Variants in ITPR1 observed in about 807,000 individuals in gnomAD.
ITPR1 encodes inositol 1,4,5-trisphosphate-gated calcium channel ITPR1.
Under a neutral mutation model 318.4 loss-of-function variants are expected in ITPR1, and 96 were observed. That is an observed-to-expected ratio of 0.30 (90% confidence interval 0.26 to 0.36). The LOEUF (loss-of-function observed/expected upper bound fraction) is 0.36. Ranked by LOEUF, ITPR1 falls within the 10% of genes least tolerant of loss-of-function variation. The probability of loss-of-function intolerance (pLI) is 1.00; values close to 1 mark genes in which losing one functional copy is unlikely to be tolerated. For synonymous variants in ITPR1, 1,312 were observed against 1,289.9 expected, an observed-to-expected ratio of 1.02 and a Z score of -0.37; for missense variants, 2,440 against 3,460.2, an observed-to-expected ratio of 0.71 and a Z score of 7.40.
intron 52 of ITPR1, among the ~76,000 whole-genome samples, chr3:4,790,436 A>G (rs2047481621): frequency 6.6e-6 from 1 of 152,254 alleles, no homozygotes; most frequent in South Asian, 2.1e-4. Flanking sequence ...CATTTCAGTG[A>G]AACTTAAGCA....
intron 4 of ITPR1, among the ~76,000 whole-genome samples, chr3:4,525,163 G>A (rs73807286): frequency 1.3e-5 from 2 of 152,020 alleles, no homozygotes; most frequent in Non-Finnish European, 1.5e-5. Context: ...CCCAGTGCTC[G>A]TGTATGCAAG....
At chr3:4,831,931 C>G (rs2050545954) in intron 60 of ITPR1, among the ~76,000 whole-genome samples, 2 of 152,224 alleles carry the variant, frequency 1.3e-5, no homozygotes, top group South Asian at 2.1e-4. Context: ...GAGGGGGACC[C>G]TGTTGGTGGG....
At chr3:4,716,859 C>G (rs74688238) in intron 39 of ITPR1, among the ~76,000 whole-genome samples, 1 of 152,160 alleles carries the variant, frequency 6.6e-6, no homozygotes, top group Non-Finnish European at 1.5e-5. Context: ...ATCCACAGGA[C>G]CAGGCTGGGG....
intron 4 of ITPR1, among the ~76,000 whole-genome samples, chr3:4,526,263 G>C (rs1040733120): frequency 1.3e-5 from 2 of 152,166 alleles, no homozygotes; most frequent in Admixed American, 6.5e-5. Flanking sequence ...AGAAGTTGGG[G>C]CAGGAAAAAA....
chr3:4,525,256 C>G (rs936752345), intron 4 of ITPR1, among the ~76,000 whole-genome samples: 2 of 152,094 alleles, frequency 1.3e-5, no homozygotes, highest in African/African-American at 4.8e-5. Context: ...CCATCCTTAT[C>G]AAGATAATAT....
At chr3:4,573,055 C>T (rs2087870) in intron 4 of ITPR1, among the ~76,000 whole-genome samples, 127,576 of 152,128 alleles carry the variant, frequency 0.84, 54,003 homozygotes, top group South Asian at 0.93. Flanking sequence ...TGACCATGGG[C>T]GTGCAAATCT....
Position 4,768,549 on chromosome 3 carries a change from G to A in ITPR1, c.5764G>A (p.Asp1922Asn), listed in dbSNP as rs762519896. ...PTTQITEEVR[D>N]QLLEASAATR... ...AACACAGATAACAGAAGAGGTCCGG[G>A]ATCAGCTCCTGGAGGCCTCCGCTGC... Residue 1922 changes from aspartate (D) to asparagine (N), a missense_variant, in exon 46 of 62, where the codon GAT (aspartate) becomes AAT (asparagine). Asp to Asn is a conservative substitution (Grantham distance 23, BLOSUM62 1). This residue lies in a region of ITPR1 where 113 missense variants were observed against 103.6 expected (regional missense o/e 1.09). Coordinates refer to ENST00000649015, the MANE Select transcript of ITPR1 (RefSeq NM_001378452.1). The A allele has an allele frequency of 6.2e-7, 1 of 1,613,820 alleles. No homozygotes were observed. Among genetic ancestry groups the A allele is most frequent in the Non-Finnish European group, 8.5e-7 (1 of 1,179,744 alleles).
intron 49 of ITPR1, among the ~76,000 whole-genome samples, chr3:4,780,168 A>G (rs947250727): frequency 2.0e-5 from 3 of 152,152 alleles, no homozygotes; most frequent in African/African-American, 7.2e-5. Flanking sequence ...TTTGAAGACT[A>G]GATGAGAAGA....
Position 4,779,498 on chromosome 3 carries a change from G to A in ITPR1, c.6292-52G>A, listed in dbSNP as rs577503264. The A allele has an allele frequency of 8.8e-5, 122 of 1,390,784 alleles. 4 individuals carry two copies. The Middle Eastern group carries it at 9.5e-3, about 108-fold the overall frequency. 86.2% of individuals were successfully genotyped at this position (1,390,784 alleles called of 1,614,324 possible). On this transcript the variant is annotated intron_variant, in intron 48 of 61. Coordinates refer to ENST00000649015, the MANE Select transcript of ITPR1 (RefSeq NM_001378452.1). This position sits in a 1 kb window ranked among gnomAD's most constrained non-coding sequence, Gnocchi z 4.0. Reference sequence around the variant, plus strand: ...GCCAGTTGGCACCTGCATTCAGGCCGGGCCCCCAAGCAGCCCCTCTACATT... The same window carrying A: ...GCCAGTTGGCACCTGCATTCAGGCCAGGCCCCCAAGCAGCCCCTCTACATT...
At chr3:4,708,514 T>C (rs1450867988) in intron 37 of ITPR1, among the ~76,000 whole-genome samples, 1 of 152,132 alleles carries the variant, frequency 6.6e-6, no homozygotes, top group Admixed American at 6.5e-5. Flanking sequence ...CCTGATGGAG[T>C]GCTTCCTGAT....
intron 29 of ITPR1, 141 bp downstream of exon 29, chr3:4,684,487 GT>G: frequency 1.6e-6 from 1 of 644,356 alleles, no homozygotes. Context: ...GAGCTCAGAG[GT>G]TAAGCTCATG....
At chr3:4,574,024 G>C (rs562172149) in intron 4 of ITPR1, among the ~76,000 whole-genome samples, 8 of 152,306 alleles carry the variant, frequency 5.3e-5, no homozygotes, top group African/African-American at 1.7e-4. Flanking sequence ...TGTTTAAGCA[G>C]CTTTGGCCAT....
At chr3:4,658,390 G>C in intron 13 of ITPR1, 112 bp downstream of exon 13, 4 of 961,432 alleles carry the variant, frequency 4.2e-6, no homozygotes, top group Non-Finnish European at 6.0e-6. Context: ...TTTTATAAAG[G>C]ATTTGGTGAA....
intron 47 of ITPR1, among the ~76,000 whole-genome samples, chr3:4,776,346 A>G (rs2046484044): frequency 1.3e-5 from 2 of 152,226 alleles, no homozygotes; most frequent in South Asian, 2.1e-4. Flanking sequence ...CTGGGATTAC[A>G]GGCTTGAGCC....
intron 4 of ITPR1, among the ~76,000 whole-genome samples, chr3:4,540,042 T>C (rs1163327477): frequency 6.6e-6 from 1 of 151,790 alleles, no homozygotes; most frequent in Non-Finnish European, 1.5e-5. Flanking sequence ...GTAAATTAGT[T>C]AAAAGGGTTA....
intron 10 of ITPR1, among the ~76,000 whole-genome samples, chr3:4,647,750 C>A (rs1048507017): frequency 3.3e-5 from 5 of 152,116 alleles, no homozygotes; most frequent in Non-Finnish European, 7.4e-5. Context: ...GAGCATTTTT[C>A]TCATGTGCTT....
chr3:4,788,930 C>G (rs1345441385), intron 52 of ITPR1, among the ~76,000 whole-genome samples: 1 of 152,172 alleles, frequency 6.6e-6, no homozygotes, highest in Non-Finnish European at 1.5e-5. Context: ...GGGTGGAGAA[C>G]AGCCGTGTTG....
intron 39 of ITPR1, among the ~76,000 whole-genome samples, chr3:4,713,065 C>T (rs2125285190): frequency 1.3e-5 from 2 of 151,966 alleles, no homozygotes; most frequent in Middle Eastern, 6.8e-3. Context: ...TAGTAGATCT[C>T]TTAAAAACAA....
At position 4,670,749 on chromosome 3, in the gene ITPR1, A is replaced by C. The variant is rs780898663; in HGVS notation, c.2027A>C (p.Glu676Ala). The C allele has an allele frequency of 1.3e-5, 20 of 1,595,994 alleles. No homozygotes were observed. Among genetic ancestry groups the C allele is most frequent in the Non-Finnish European group, 1.7e-5 (20 of 1,170,548 alleles). ...TCTAGGTTGGTTCTTTCTCGTTTTG[A>C]ATTTGAAGGTGTCTCTTCCACTGGA... ...IETKLVLSRF[E>A]FEGVSSTGEN... The change falls in exon 20 of 62, where the codon GAA (glutamate) becomes GCA (alanine). Residue 676 changes from glutamate to alanine, a missense_variant. Around this residue, in one of 23 missense-constraint regions of ITPR1, gnomAD observed 478 missense variants for 696.3 expected, o/e 0.69. Transcript: ENST00000649015.
Sources: allele counts gnomAD v4.1 joint callset (sites outside exome capture counted in the v4.1 genomes callset), GRCh38; gene constraint gnomAD v4.1.1; regional missense constraint gnomAD v4.1.1; non-coding constraint Gnocchi (gnomAD v3.1); transcripts MANE v1.5; gene names NCBI Gene and HGNC (gene_info 2026-07-23, HGNC 2026-07-21).